CCDC146: variants seen among roughly 807,000 people sequenced by gnomAD.
CCDC146 encodes coiled-coil domain-containing protein 146.
A neutral mutation model predicts 119.3 loss-of-function variants in CCDC146; 92 were observed. The observed-to-expected ratio is 0.77, with a 90% confidence interval of 0.65 to 0.92. The LOEUF is 0.92. CCDC146 is among the 40% of genes least tolerant of loss of function. The probability of loss-of-function intolerance (pLI) is 0.00; values close to 1 mark genes in which losing one functional copy is unlikely to be tolerated. For synonymous variants in CCDC146, 372 were observed against 371.8 expected, an observed-to-expected ratio of 1.00 and a Z score of -0.01; for missense variants, 1,000 against 1,103.0, an observed-to-expected ratio of 0.91 and a Z score of 1.32.
intron 8 of CCDC146, among the ~76,000 whole-genome samples, chr7:77,261,602 C>T (rs1051620527): frequency 1.3e-5 from 2 of 152,078 alleles, no homozygotes; most frequent in Admixed American, 6.5e-5. Context: ...CTCAGCCTCC[C>T]GAGTAGCTGG....
At chr7:77,152,858 G>A (rs948923259) in intron 1 of CCDC146, among the ~76,000 whole-genome samples, 4 of 152,184 alleles carry the variant, frequency 2.6e-5, no homozygotes, top group African/African-American at 9.6e-5. Context: ...ACAAGGCACT[G>A]GTGGGAGGAA....
chr7:77,264,399 A>G (rs1003681808), intron 9 of CCDC146, among the ~76,000 whole-genome samples: 1 of 152,168 alleles, frequency 6.6e-6, no homozygotes, highest in African/African-American at 2.4e-5. Flanking sequence ...CTGGGATTAC[A>G]GGCATGTGCC....
chr7:77,282,510 G>A (rs11769500), intron 14 of CCDC146, 47 bp from the exon 15 acceptor site: 132,456 of 1,290,412 alleles, frequency 0.1, 7,538 homozygotes, highest in African/African-American at 0.16. Flanking sequence ...CTAGTAAAAC[G>A]GTGGTCTCAA....
intron 1 of CCDC146, among the ~76,000 whole-genome samples, chr7:77,157,078 G>T (rs1285147018): frequency 9.0e-6 from 1 of 111,392 alleles, no homozygotes; most frequent in Non-Finnish European, 1.8e-5. Context: ...CCTCCAAGGG[G>T]TCAGCTCTGA....
rs112530855 is a variant in CCDC146 at position 77,163,795 on chromosome 7, A to G, written c.-11-3863A>G. On this transcript the variant is annotated intron_variant, in intron 1 of 18. Transcript: ENST00000285871. ...CTCGTTAATGTGTACTTGAGGAATA[A>G]TTGTACTAATCTGCTACTATTGTTT... Among the ~76,000 whole-genome samples the G allele has an allele frequency of 9.7e-4, 146 of 151,164 alleles. 3 individuals are homozygous for G. Among genetic ancestry groups the G allele is most frequent in the African/African-American group, 3.3e-3 (137 of 41,136 alleles).
chr7:77,191,227 C>T (rs994332389), intron 2 of CCDC146, among the ~76,000 whole-genome samples: 4 of 152,170 alleles, frequency 2.6e-5, no homozygotes, highest in Non-Finnish European at 4.4e-5. Context: ...GTTTTAACGT[C>T]GCTGTTTCTG....
chr7:77,269,711 A>G (rs3114324), intron 9 of CCDC146, among the ~76,000 whole-genome samples: 82,547 of 152,186 alleles, frequency 0.54, 24,406 homozygotes, highest in Non-Finnish European at 0.67. Flanking sequence ...AAAACTAAGC[A>G]CCCATAGAAT....
intron 13 of CCDC146, among the ~76,000 whole-genome samples, chr7:77,279,860 C>CA (rs1424309630): frequency 6.6e-6 from 1 of 152,176 alleles, no homozygotes; most frequent in Non-Finnish European, 1.5e-5. Context: ...AGTACACGAT[C>CA]AGGGTATAAT....
In CCDC146 at chr7:77,293,167, A is replaced by C; in HGVS notation, c.2631A>C (p.Glu877Asp). Residue 877 changes from glutamate to aspartate, a missense_variant, in exon 18 of 19, where the codon GAA becomes GAC. Glu to Asp is a conservative substitution (Grantham distance 45). Coordinates refer to ENST00000285871, the MANE Select transcript of CCDC146 (RefSeq NM_020879.3). ...KEWLKVLRDE[E>D]MHALAIAEKS... ...GGTTGAAAGTCCTTCGAGATGAAGA[A>C]ATGCACGCCTTGGCCATCGCTGAAA... The C allele has an allele frequency of 6.2e-7, 1 of 1,614,154 alleles. No individual in the cohort carries two copies. The highest frequency in any genetic ancestry group is 8.5e-7 in the Non-Finnish European group (1 of 1,180,018).
chr7:77,239,458 T>C (rs554343109), intron 3 of CCDC146, among the ~76,000 whole-genome samples: 119 of 152,374 alleles, frequency 7.8e-4, no homozygotes, highest in Non-Finnish European at 1.5e-3. Context: ...CTAGATGCTA[T>C]TGAGCAAATG....
intron 2 of CCDC146, among the ~76,000 whole-genome samples, chr7:77,218,611 T>TTC (rs1229596170): frequency 6.7e-6 from 1 of 149,866 alleles, no homozygotes; most frequent in Non-Finnish European, 1.5e-5. Context: ...AATCTACCAA[T>TTC]TCTCTTTTTT....
intron 2 of CCDC146, among the ~76,000 whole-genome samples, chr7:77,176,452 G>C (rs973965056): frequency 6.6e-6 from 1 of 150,936 alleles, no homozygotes; most frequent in Non-Finnish European, 1.5e-5. Flanking sequence ...ATTCTAAATT[G>C]ATGCTTGGCA....
intron 17 of CCDC146, among the ~76,000 whole-genome samples, chr7:77,290,577 G>A (rs532139537): frequency 1.1e-4 from 17 of 152,276 alleles, no homozygotes; most frequent in African/African-American, 4.1e-4. Flanking sequence ...TAAAAGTTGT[G>A]AATTGCACCA....
In CCDC146 at chr7:77,294,778, A is replaced by G. The variant is rs1584156273; in HGVS notation, c.2780A>G (p.Tyr927Cys). The G allele has an allele frequency of 6.2e-7, 1 of 1,614,136 alleles. No homozygotes were observed. The highest frequency in any genetic ancestry group is 8.5e-7 in the Non-Finnish European group (1 of 1,180,024). ...GCCACTCTTCCTTTGCCAAAACCTTATGGTGCTTTGGCTCCTTTTAAACCC... is the reference window on the plus strand; with the variant it reads ...GCCACTCTTCCTTTGCCAAAACCTTGTGGTGCTTTGGCTCCTTTTAAACCC... The part of the protein sequence containing the change: ...ADATLPLPKP[Y>C]GALAPFKPSE... Residue 927 changes from tyrosine (Y) to cysteine (C), a missense_variant, in exon 19 of 19, where the codon TAT (tyrosine) becomes TGT (cysteine). Physicochemically the swap from Tyr to Cys is radical, Grantham distance 194. Coordinates refer to ENST00000285871, the MANE Select transcript of CCDC146 (RefSeq NM_020879.3).
chr7:77,220,531 T>C (rs1455286149), intron 2 of CCDC146, among the ~76,000 whole-genome samples: 1 of 152,206 alleles, frequency 6.6e-6, no homozygotes, highest in Non-Finnish European at 1.5e-5. Context: ...AGAGTATTGA[T>C]TGGGGAATTG....
chr7:77,292,372 T>G (rs58055460), intron 17 of CCDC146, among the ~76,000 whole-genome samples: 33,799 of 147,928 alleles, frequency 0.23, 4,565 homozygotes, highest in African/African-American at 0.36. Context: ...TCCCAGCACT[T>G]AGGGAGGCTG....
intron 1 of CCDC146, among the ~76,000 whole-genome samples, chr7:77,160,344 A>G (rs980464392): frequency 3.9e-5 from 6 of 152,282 alleles, no homozygotes; most frequent in African/African-American, 1.4e-4. Flanking sequence ...CATTGAATCT[A>G]TAAATTACCT....
chr7:77,186,032 C>T (rs1308082234), intron 2 of CCDC146, among the ~76,000 whole-genome samples: 2 of 152,164 alleles, frequency 1.3e-5, no homozygotes, highest in Non-Finnish European at 2.9e-5. Flanking sequence ...AAGCCTCATA[C>T]ACTGTTGGTG....
intron 2 of CCDC146, among the ~76,000 whole-genome samples, chr7:77,219,260 T>A (rs1411477061): frequency 6.6e-6 from 1 of 152,224 alleles, no homozygotes; most frequent in Non-Finnish European, 1.5e-5. Flanking sequence ...ATCTATTTTT[T>A]AAACTTAAAA....
Sources: allele counts gnomAD v4.1 joint callset (sites outside exome capture counted in the v4.1 genomes callset), GRCh38; gene constraint gnomAD v4.1.1; transcripts MANE v1.5; gene names NCBI Gene and HGNC (gene_info 2026-07-23, HGNC 2026-07-21).